The following PDE6D variants were observed in gnomAD, a reference collection of about 807,000 sequenced individuals.
PDE6D encodes phosphodiesterase 6D.
PDE6D carries 10 observed loss-of-function variants against 21.9 expected under a neutral mutation model. The ratio of observed to expected loss-of-function variants is 0.46; its 90% CI spans 0.28 to 0.78. The LOEUF is 0.78. PDE6D is among the 30% of genes least tolerant of loss of function. The pLI is 0.12. For missense variants in PDE6D, 139 were observed against 184.8 expected, an observed-to-expected ratio of 0.75 and a Z score of 1.44; for synonymous variants, 59 against 63.5, an observed-to-expected ratio of 0.93 and a Z score of 0.34.
intron 1 of PDE6D, among the ~76,000 whole-genome samples, chr2:231,744,011 C>T (rs2048771914): frequency 6.6e-6 from 1 of 152,202 alleles, no homozygotes. Flanking sequence ...TCCTATGTAC[C>T]CACTACGGCA....
chr2:231,777,400 C>T (rs2049065690), intron 1 of PDE6D, among the ~76,000 whole-genome samples: 1 of 151,808 alleles, frequency 6.6e-6, no homozygotes, highest in African/African-American at 2.4e-5. Flanking sequence ...GAACTCCTGG[C>T]CTTGAGCAAT....
intron 4 of PDE6D, among the ~76,000 whole-genome samples, chr2:231,735,725 T>C (rs1196488326): frequency 1.5e-5 from 2 of 137,326 alleles, no homozygotes. Flanking sequence ...AAAAAACTAT[T>C]AAAAACTTTA....
At chr2:231,744,491 T>C (rs1251070113) in intron 1 of PDE6D, among the ~76,000 whole-genome samples, 2 of 150,634 alleles carry the variant, frequency 1.3e-5, no homozygotes, top group East Asian at 1.9e-4. Flanking sequence ...CTGGAGTGAA[T>C]GGCACGATCT....
intron 2 of PDE6D, among the ~76,000 whole-genome samples, chr2:231,738,796 G>A (rs1574617284): frequency 6.6e-6 from 1 of 151,610 alleles, no homozygotes; most frequent in Admixed American, 6.6e-5. Context: ...CACGCCTGTA[G>A]TCCCAGCTAC....
chr2:231,741,933 T>C (rs1176424494), intron 1 of PDE6D, among the ~76,000 whole-genome samples: 1 of 152,202 alleles, frequency 6.6e-6, no homozygotes, highest in Non-Finnish European at 1.5e-5. Flanking sequence ...AAACTGTCAT[T>C]TTCCGTAGTG....
intron 1 of PDE6D, among the ~76,000 whole-genome samples, chr2:231,757,152 G>T (rs1350308153): frequency 6.6e-6 from 1 of 151,832 alleles, no homozygotes; most frequent in African/African-American, 2.4e-5. Context: ...TAGAGACAGG[G>T]TTTTGCCATG....
At chr2:231,774,962 G>A (rs1024487552) in intron 1 of PDE6D, among the ~76,000 whole-genome samples, 1 of 151,484 alleles carries the variant, frequency 6.6e-6, no homozygotes, top group Non-Finnish European at 1.5e-5. Flanking sequence ...GCCCAGGCTG[G>A]AGTGCAGTGG....
chr2:231,771,427 C>T lies in PDE6D; in HGVS notation c.50+9638G>A, dbSNP rs1327405770. 2.0e-5 allele frequency among the ~76,000 whole-genome samples: 3 copies of T among 152,186 alleles called. No individual in the cohort carries two copies. The East Asian group carries it at 5.8e-4, about 29-fold the overall frequency. On this transcript the variant is annotated intron_variant, in intron 1 of 4. Transcript: ENST00000287600. ...GCCTTCGTCTAAGTGACTGCCTCGT[C>T]GATCCTCAATTCCTTAGTCTATAAA...
Position 231,781,225 on chromosome 2 carries a change from C to T in PDE6D, c.-111G>A. The T allele has an allele frequency of 1.9e-6, 2 of 1,030,774 alleles. No homozygotes were observed. Among genetic ancestry groups the T allele is most frequent in the Admixed American group, 2.0e-5 (1 of 50,844 alleles). The allele number at this position is 1,030,774 out of a possible 1,614,324, so 63.9% of individuals were successfully genotyped here. ...GCCCGGCTTGGAGACCTCGGGCTAG[C>T]AGCCGCAGCGGCCAGACCAGGACCG... On this transcript the variant is annotated 5_prime_UTR_variant, in exon 1 of 5. Coordinates refer to ENST00000287600, the MANE Select transcript of PDE6D (RefSeq NM_002601.4).
At chr2:231,777,329 G>A (rs2049065120) in intron 1 of PDE6D, among the ~76,000 whole-genome samples, 1 of 152,100 alleles carries the variant, frequency 6.6e-6, no homozygotes, top group African/African-American at 2.4e-5. Flanking sequence ...CTTTTATGCA[G>A]TATCTTTAAA....
At chr2:231,763,530 C>T (rs1355343937) in intron 1 of PDE6D, among the ~76,000 whole-genome samples, 1 of 151,958 alleles carries the variant, frequency 6.6e-6, no homozygotes, top group East Asian at 1.9e-4. Context: ...CAGCCTGTGA[C>T]ATGTGTTTAA....
chr2:231,757,917 T>C (rs1574627985), intron 1 of PDE6D, among the ~76,000 whole-genome samples: 3 of 151,672 alleles, frequency 2.0e-5, no homozygotes, highest in South Asian at 2.1e-4. Context: ...TATACTAAAA[T>C]TGGAATGATA....
rs2048660645 is a variant in PDE6D, at chr2:231,732,593, C to T, written c.*359G>A. The T allele has an allele frequency of 1.2e-5, 2 of 170,728 alleles. No homozygotes were observed. Among genetic ancestry groups the T allele is most frequent in the Non-Finnish European group, 2.5e-5 (2 of 81,152 alleles). The allele number at this position is 170,728 out of a possible 1,614,324, so 10.6% of individuals were successfully genotyped here. On this transcript the variant is annotated 3_prime_UTR_variant, in exon 5 of 5. Coordinates refer to ENST00000287600, the MANE Select transcript of PDE6D (RefSeq NM_002601.4). ...ACGGAATTTTTCCAAAACCAGGGGC[C>T]AAAGGTAGATGTGTAGCCTGTAGGG...
intron 1 of PDE6D, among the ~76,000 whole-genome samples, chr2:231,770,622 A>G (rs1399902684): frequency 2.0e-5 from 3 of 152,130 alleles, no homozygotes; most frequent in African/African-American, 7.2e-5. Flanking sequence ...GTTCAAGACC[A>G]GCCTGGGCAA....
At chr2:231,749,758 T>C (rs1277167805) in intron 1 of PDE6D, among the ~76,000 whole-genome samples, 1 of 152,174 alleles carries the variant, frequency 6.6e-6, no homozygotes, top group Non-Finnish European at 1.5e-5. Context: ...GGTCTTGAAC[T>C]CCTGACCTCA....
At position 231,781,264 on chromosome 2, in the gene PDE6D, C is replaced by CG; in HGVS notation, c.-151_-150insC. ...AGACCAGGACCGGCCTCTCTCTCCC[C>CG]TCAGCTCCCGCTTCTGATCCCTTCT... On this transcript the variant is annotated 5_prime_UTR_variant, in exon 1 of 5. Coordinates refer to ENST00000287600, the MANE Select transcript of PDE6D (RefSeq NM_002601.4). 1.5e-6 allele frequency: 1 copy of CG among 671,730 alleles called. No individual in the cohort carries two copies. Among genetic ancestry groups the CG allele is most frequent in the Non-Finnish European group, 2.6e-6 (1 of 381,288 alleles). The allele number at this position is 671,730 out of a possible 1,614,324, so 41.6% of individuals were successfully genotyped here.
intron 1 of PDE6D, among the ~76,000 whole-genome samples, chr2:231,757,353 A>G (rs951717956): frequency 2.0e-5 from 3 of 152,210 alleles, no homozygotes; most frequent in South Asian, 4.1e-4. Context: ...GCTGGAGTGC[A>G]ATGGCACGAT....
chr2:231,774,959 C>G (rs1274076960), intron 1 of PDE6D, among the ~76,000 whole-genome samples: 2 of 150,976 alleles, frequency 1.3e-5, no homozygotes, highest in African/African-American at 4.9e-5. Flanking sequence ...GTAGCCCAGG[C>G]TGGAGTGCAG....
At chr2:231,776,367 T>C (rs902480439) in intron 1 of PDE6D, among the ~76,000 whole-genome samples, 1 of 149,130 alleles carries the variant, frequency 6.7e-6, no homozygotes, top group East Asian at 1.9e-4. Context: ...AATCTGTCAG[T>C]GAAAGCAACT....
Sources: allele counts gnomAD v4.1 joint callset (sites outside exome capture counted in the v4.1 genomes callset), GRCh38; gene constraint gnomAD v4.1.1; transcripts MANE v1.5; gene names NCBI Gene and HGNC (gene_info 2026-07-23, HGNC 2026-07-21).